Variants in IL1RAPL1 observed in about 807,000 individuals in gnomAD.
IL1RAPL1 encodes interleukin-1 receptor accessory protein-like 1.
IL1RAPL1 carries 3 observed loss-of-function variants against 48.4 expected under a neutral mutation model. The ratio of observed to expected loss-of-function variants is 0.06; its 90% confidence interval spans 0.03 to 0.16. The LOEUF is 0.16. Among genes scored for constraint, IL1RAPL1 ranks in the 10% least tolerant of loss-of-function variants. The pLI, the probability that IL1RAPL1 is intolerant of heterozygous loss-of-function variation, is 1.00. For synonymous variants in IL1RAPL1, 185 were observed against 187.7 expected, an observed-to-expected ratio of 0.99 and a Z score of 0.12; for missense variants, 349 against 530.6, an observed-to-expected ratio of 0.66 and a Z score of 3.36.
chrX:28,606,713 A>G (rs915607734), intron 1 of IL1RAPL1, among the ~76,000 whole-genome samples: 7 of 111,807 alleles, frequency 6.3e-5, no homozygotes, highest in African/African-American at 2.3e-4. Flanking sequence ...ATATCACAAT[A>G]AGATGATTTA....
At chrX:28,638,275 A>T (rs1420998727) in intron 1 of IL1RAPL1, among the ~76,000 whole-genome samples, 1 of 111,681 alleles carries the variant, frequency 9.0e-6, no homozygotes, top group African/African-American at 3.2e-5. Flanking sequence ...AAGAAAATAC[A>T]GGTTAGTAGA....
chrX:29,831,611 T>G (rs1255549863), intron 6 of IL1RAPL1, among the ~76,000 whole-genome samples: 1 of 111,791 alleles, frequency 8.9e-6, no homozygotes, highest in Admixed American at 9.5e-5. Context: ...TAGTTAATTC[T>G]AGGATATTGA....
intron 2 of IL1RAPL1, among the ~76,000 whole-genome samples, chrX:29,006,639 T>TTA (rs1309460663): frequency 2.0e-3 from 173 of 87,963 alleles, no homozygotes; most frequent in Middle Eastern, 5.8e-3. Context: ...TTGTGTGTGT[T>TTA]TATATATATG....
At chrX:29,104,876 A>T (rs1218564565) in intron 2 of IL1RAPL1, among the ~76,000 whole-genome samples, 1 of 111,979 alleles carries the variant, frequency 8.9e-6, no homozygotes, top group African/African-American at 3.2e-5. Flanking sequence ...TGTAAGTTTC[A>T]TCCTCATGTT....
Position 29,135,885 on chromosome X carries a change from C to G in IL1RAPL1, c.83-147053C>G, listed in dbSNP as rs761305472. ...AAGTAACTGGGACTACAGGCACACACGCCACCACGCCTGGCTAATTTTTGT... is the reference window on the plus strand; with the variant it reads ...AAGTAACTGGGACTACAGGCACACAGGCCACCACGCCTGGCTAATTTTTGT... On this transcript the variant is annotated intron_variant, in intron 2 of 10. Coordinates refer to ENST00000378993, the MANE Select transcript of IL1RAPL1 (RefSeq NM_014271.4). Among the ~76,000 whole-genome samples, 4 of 110,390 alleles carry G rather than the reference C, an allele frequency of 3.6e-5. No individual in the cohort carries two copies. The Admixed American group carries it at 3.9e-4, about 11-fold the overall frequency.
chrX:29,540,851 C>A (rs1338853858), intron 5 of IL1RAPL1, among the ~76,000 whole-genome samples: 2 of 111,694 alleles, frequency 1.8e-5, no homozygotes, highest in Non-Finnish European at 3.8e-5. Flanking sequence ...TAGGAAACAC[C>A]ATTCTGGACA....
chrX:29,856,586 C>T (rs774012051), intron 6 of IL1RAPL1, among the ~76,000 whole-genome samples: 1 of 111,810 alleles, frequency 8.9e-6, no homozygotes, highest in African/African-American at 3.2e-5. Flanking sequence ...ACCATAAAAA[C>T]AACTTTCAGT....
At chrX:29,934,559 T>C (rs1278342566) in intron 8 of IL1RAPL1, among the ~76,000 whole-genome samples, 1 of 112,359 alleles carries the variant, frequency 8.9e-6, no homozygotes, top group African/African-American at 3.2e-5. Context: ...GCAGATATTA[T>C]AGAAAATTAC....
chrX:28,715,267 G>A (rs886445649), intron 1 of IL1RAPL1, among the ~76,000 whole-genome samples: 2 of 112,156 alleles, frequency 1.8e-5, no homozygotes, highest in Non-Finnish European at 3.8e-5. Flanking sequence ...CAATTACATG[G>A]AAACTGAATA....
At chrX:29,163,156 G>T (rs1465859596) in intron 2 of IL1RAPL1, among the ~76,000 whole-genome samples, 1 of 111,284 alleles carries the variant, frequency 9.0e-6, no homozygotes, top group Non-Finnish European at 1.9e-5. Flanking sequence ...GAGCTGTTGT[G>T]GTTCAAAGTC....
chrX:28,743,074 T>C (rs1015141282), intron 1 of IL1RAPL1, among the ~76,000 whole-genome samples: 2 of 111,686 alleles, frequency 1.8e-5, no homozygotes, highest in Admixed American at 9.5e-5. Context: ...TTCTTCCTTA[T>C]CCTTAATTTA....
intron 6 of IL1RAPL1, among the ~76,000 whole-genome samples, chrX:29,725,027 A>C (rs1036080326): frequency 1.8e-5 from 2 of 111,112 alleles, no homozygotes; most frequent in African/African-American, 6.5e-5. Context: ...TTGCATTTAG[A>C]GTGAGGAAGA....
chrX:29,803,149 G>A (rs183679276), intron 6 of IL1RAPL1, among the ~76,000 whole-genome samples: 3 of 87,895 alleles, frequency 3.4e-5, no homozygotes, highest in Non-Finnish European at 4.4e-5. Context: ...ATGTATATAT[G>A]TGTATACATG....
chrX:29,586,240 A>C (rs975695140), intron 5 of IL1RAPL1, among the ~76,000 whole-genome samples: 8 of 111,715 alleles, frequency 7.2e-5, no homozygotes, highest in African/African-American at 2.6e-4. Flanking sequence ...TAAAACAAGG[A>C]TCCCATTTTA....
intron 6 of IL1RAPL1, among the ~76,000 whole-genome samples, chrX:29,680,100 A>G (rs913662450): frequency 4.5e-5 from 5 of 111,574 alleles, no homozygotes; most frequent in Admixed American, 1.9e-4. Context: ...AGCAATTTAA[A>G]CTTGAAGAAT....
At chrX:29,896,602 A>ACAGG (rs1289038516) in intron 6 of IL1RAPL1, among the ~76,000 whole-genome samples, 1 of 112,705 alleles carries the variant, frequency 8.9e-6, no homozygotes, top group Non-Finnish European at 1.9e-5. Flanking sequence ...CCTGAAGTTC[A>ACAGG]CAGGCAGGCA....
intron 3 of IL1RAPL1, among the ~76,000 whole-genome samples, chrX:29,310,743 A>G (rs1932713509): frequency 8.9e-6 from 1 of 112,225 alleles, no homozygotes; most frequent in African/African-American, 3.2e-5. Context: ...CTCTTTCTAA[A>G]TTTTCTTTGT....
chrX:29,467,470 C>T (rs1038612722), intron 5 of IL1RAPL1, among the ~76,000 whole-genome samples: 16 of 112,423 alleles, frequency 1.4e-4, no homozygotes, highest in Non-Finnish European at 1.9e-5. Context: ...GCGAAGGGGT[C>T]GCTCACTTAC....
chrX:29,324,512 A>G, intron 3 of IL1RAPL1, among the ~76,000 whole-genome samples: 1 of 111,724 alleles, frequency 9.0e-6, no homozygotes, highest in African/African-American at 3.2e-5. Flanking sequence ...CCTTCCTCCC[A>G]GGTGTGGTGC....
Sources: gnomAD v4.1 joint callset for allele counts (sites outside exome capture counted in the v4.1 genomes callset) on GRCh38, gnomAD v4.1.1 for gene constraint, MANE v1.5 for transcripts, NCBI Gene and HGNC (gene_info 2026-07-23, HGNC 2026-07-21) for gene names.